Variants in SLC30A10 observed in about 807,000 individuals in gnomAD.
The protein encoded by SLC30A10 is calcium/manganese antiporter SLC30A10.
A neutral mutation model predicts 21.7 loss-of-function variants in SLC30A10; 8 were observed. The ratio of observed to expected loss-of-function variants is 0.37; its 90% CI spans 0.22 to 0.67. The LOEUF is 0.67. Among genes scored for constraint, SLC30A10 ranks in the 30% least tolerant of loss-of-function variants. The probability of loss-of-function intolerance (pLI) is 0.58; values close to 1 mark genes in which losing one functional copy is unlikely to be tolerated. For missense variants in SLC30A10, 521 were observed against 642.5 expected (o/e 0.81, Z 2.04); for synonymous variants, 272 against 279.4 (o/e 0.97, Z 0.26).
chr1:219,959,055 TG>T (rs1660388936), upstream of SLC30A10, among the ~76,000 whole-genome samples: 1 of 152,218 alleles, frequency 6.6e-6, no homozygotes, highest in Non-Finnish European at 1.5e-5. Flanking sequence ...CTCCCTTTCT[TG>T]GGAAGGCTGA....
At chr1:219,916,095 G>T in intron 3 of SLC30A10, 147 bp from the exon 4 acceptor site, 1 of 971,580 alleles carries the variant, frequency 1.0e-6, no homozygotes, top group Non-Finnish European at 1.5e-6. Flanking sequence ...TTCTACCTCT[G>T]TGGGTACATT....
intron 1 of SLC30A10, among the ~76,000 whole-genome samples, chr1:219,949,124 G>GA (rs759531444): frequency 1.2e-4 from 18 of 152,158 alleles, no homozygotes; most frequent in Non-Finnish European, 2.4e-4. Context: ...TGCTGGAGAG[G>GA]ATGTGGAGAT....
intron 1 of SLC30A10, among the ~76,000 whole-genome samples, chr1:219,950,772 C>T (rs1217900140): frequency 6.6e-6 from 1 of 151,562 alleles, no homozygotes; most frequent in Admixed American, 6.6e-5. Context: ...CAACATGAAA[C>T]CCCATCTCTA....
Position 219,915,319 on chromosome 1 carries a change from C to G in SLC30A10, c.*130G>C. On this transcript the variant is annotated 3_prime_UTR_variant, in exon 4 of 4. Transcript: ENST00000366926. ...TTTAACTAAAATCCCAAACAGCCAA[C>G]CCCTAGTGAACACAGAGCATGCATG... The G allele has an allele frequency of 8.6e-7, 1 of 1,167,604 alleles. No homozygotes were observed. The highest frequency in any genetic ancestry group is 1.2e-6 in the Non-Finnish European group (1 of 818,534). The allele number at this position is 1,167,604 out of a possible 1,614,324, so 72.3% of individuals were successfully genotyped here.
rs771115890 is a variant in SLC30A10, at chr1:219,918,781, C to A, written c.719-287G>T. ...CCGTCTCACTGGGCCACATCGCTAC[C>A]ACTCACCACCCATCAAAGGGCACCA... is the stretch of plus-strand genomic sequence containing the variant. On this transcript the variant is annotated intron_variant, in intron 2 of 3. Transcript: ENST00000366926. This position sits in a 1 kb window ranked among gnomAD's most constrained non-coding sequence, Gnocchi z 4.4. The A allele has an allele frequency of 6.3e-6, 2 of 317,706 alleles. No individual in the cohort carries two copies. The highest frequency in any genetic ancestry group is 2.1e-5 in the African/African-American group (1 of 46,848). The allele number at this position is 317,706 out of a possible 1,614,324, so 19.7% of individuals were successfully genotyped here. A position where few individuals can be genotyped will look rare whatever the true frequency, so the allele number is the denominator to read the frequency against.
chr1:219,946,524 G>A (rs1660188085), intron 1 of SLC30A10, among the ~76,000 whole-genome samples: 1 of 152,128 alleles, frequency 6.6e-6, no homozygotes, highest in African/African-American at 2.4e-5. Context: ...TCCATGAGAC[G>A]ACCACCAGTG....
chr1:219,958,935 G>A (rs921269481), upstream of SLC30A10, among the ~76,000 whole-genome samples: 1 of 152,198 alleles, frequency 6.6e-6, no homozygotes, highest in African/African-American at 2.4e-5. Context: ...CAACGTAAGC[G>A]ATCACTAGTT....
intron 1 of SLC30A10, among the ~76,000 whole-genome samples, chr1:219,946,180 T>C (rs967519756): frequency 6.6e-6 from 1 of 152,174 alleles, no homozygotes; most frequent in African/African-American, 2.4e-5. Flanking sequence ...TTGCTGACAT[T>C]GAATTGTTAG....
chr1:219,926,418 T>C (rs1659826302), intron 2 of SLC30A10, among the ~76,000 whole-genome samples: 3 of 152,184 alleles, frequency 2.0e-5, no homozygotes, highest in Non-Finnish European at 2.9e-5. Context: ...TTGGCTACAA[T>C]GGTGTCCAGC....
chr1:219,924,692 C>T (rs1342115683), intron 2 of SLC30A10, among the ~76,000 whole-genome samples: 3 of 152,192 alleles, frequency 2.0e-5, no homozygotes, highest in African/African-American at 7.2e-5. Flanking sequence ...TGTATCCACT[C>T]AGTAAGATTA....
In SLC30A10 at chr1:219,911,156, T is replaced by TTTTGTTTTTTTG. The variant is rs1223440092; in HGVS notation, c.*4292_*4293insCAAAAAAACAAA. ...TTCATTTTTTCTACATCAGTTTTTT[T>TTTTGTTTTTTTG]TTTTTTTTTTTTTTTTTTGCAGTCT... On this transcript the variant is annotated 3_prime_UTR_variant, in exon 4 of 4. Coordinates refer to ENST00000366926, the MANE Select transcript of SLC30A10 (RefSeq NM_018713.3). Among the ~76,000 whole-genome samples, 4 of 107,646 alleles carry TTTTGTTTTTTTG rather than the reference T, an allele frequency of 3.7e-5. No individual in the cohort carries two copies. The South Asian group carries it at 9.5e-4, about 25-fold the overall frequency. The allele number at this position is 107,646 out of a possible 152,430, so 70.6% of individuals were successfully genotyped here. A position where few individuals can be genotyped will look rare whatever the true frequency, so the allele number is the denominator to read the frequency against.
chr1:219,913,608 G>A lies in SLC30A10; in HGVS notation c.*1841C>T, dbSNP rs1659464379. 2 of 152,170 alleles carry A rather than the reference G, an allele frequency of 1.3e-5. No individual in the cohort carries two copies. Among genetic ancestry groups the A allele is most frequent in the Admixed American group, 6.5e-5 (1 of 15,274 alleles). 9.4% of individuals were successfully genotyped at this position (152,170 alleles called of 1,614,324 possible). On this transcript the variant is annotated 3_prime_UTR_variant, in exon 4 of 4. Coordinates refer to ENST00000366926, the MANE Select transcript of SLC30A10 (RefSeq NM_018713.3). Reference sequence around the variant, plus strand: ...CTTAAGAGGATGCACTGTTTTGTGTGAGTACATGCCACACTTTTAATACTA... The same window carrying A: ...CTTAAGAGGATGCACTGTTTTGTGTAAGTACATGCCACACTTTTAATACTA...
rs1439572788 is a variant in SLC30A10 at position 219,927,655 on chromosome 1, A to C, written c.640+146T>G. On this transcript the variant is annotated intron_variant, in intron 1 of 3. Coordinates refer to ENST00000366926, the MANE Select transcript of SLC30A10 (RefSeq NM_018713.3). The stretch of plus-strand genomic sequence containing the variant: ...GGATTTATTAAAAAAAAAAAAAAAA[A>C]AAAAAAAAAAAAACAACAACAACAA... 7.7e-5 allele frequency: 44 copies of C among 570,844 alleles called. No individual in the cohort carries two copies. In the African/African-American group the frequency reaches 1.5e-3, roughly 20 times the overall value. The allele number at this position is 570,844 out of a possible 1,614,324, so 35.4% of individuals were successfully genotyped here. A position where few individuals can be genotyped will look rare whatever the true frequency, so the allele number is the denominator to read the frequency against.
intron 1 of SLC30A10, among the ~76,000 whole-genome samples, chr1:219,951,301 T>C (rs1402396863): frequency 6.6e-6 from 1 of 151,964 alleles, no homozygotes; most frequent in Non-Finnish European, 1.5e-5. Context: ...ATACCTAAGA[T>C]GAGGCTCAAA....
intron 2 of SLC30A10, among the ~76,000 whole-genome samples, chr1:219,923,210 T>C (rs1659738795): frequency 6.6e-6 from 1 of 152,196 alleles, no homozygotes; most frequent in African/African-American, 2.4e-5. Context: ...AAGATAAATC[T>C]GGCAGCATTA....
At chr1:219,925,653 T>TATATATATATATATATATATATA (rs1558253395) in intron 2 of SLC30A10, among the ~76,000 whole-genome samples, 7 of 46,242 alleles carry the variant, frequency 1.5e-4, no homozygotes, top group South Asian at 1.0e-3. Context: ...ATATATATAT[T>TATATATATATATATATATATATA]TTTTTTTTTT....
chr1:219,928,452 C>G lies in SLC30A10; in HGVS notation c.-12G>C, dbSNP rs1363225799. ...GAGTAGCGGCCCATCTCGCCACCAG[C>G]CCCGGGCGCCCGGCGCCGCCCAGGG... On this transcript the variant is annotated 5_prime_UTR_variant, in exon 1 of 4. Transcript: ENST00000366926. The surrounding 1 kb of genome is among the most constrained non-coding windows in gnomAD (Gnocchi z 6.3). 1 of 1,593,870 alleles carries G rather than the reference C, an allele frequency of 6.3e-7. No homozygotes were observed. Among genetic ancestry groups the G allele is most frequent in the Admixed American group, 1.7e-5 (1 of 58,006 alleles).
chr1:219,923,014 C>T (rs116366816), intron 2 of SLC30A10, among the ~76,000 whole-genome samples: 1,738 of 152,032 alleles, frequency 0.011, 39 homozygotes, highest in African/African-American at 0.04. Flanking sequence ...ATGGGTATGC[C>T]GGGAGACAGT....
chr1:219,917,836 G>A lies in SLC30A10; in HGVS notation c.958+419C>T, dbSNP rs551188278. ...AGCGATTCTCCTGCCTCAGCCTCCC[G>A]AGTAGTTGGGATTACAGGCGCGTGC... On this transcript the variant is annotated intron_variant, in intron 3 of 3. Coordinates refer to ENST00000366926, the MANE Select transcript of SLC30A10 (RefSeq NM_018713.3). Among the ~76,000 whole-genome samples, 29 of 149,210 alleles carry A rather than the reference G, an allele frequency of 1.9e-4. No homozygotes were observed. The South Asian group carries it at 4.9e-3, about 25-fold the overall frequency.
Sources: gnomAD v4.1 joint callset for allele counts (sites outside exome capture counted in the v4.1 genomes callset) on GRCh38, gnomAD v4.1.1 for gene constraint, Gnocchi (gnomAD v3.1) non-coding constraint, MANE v1.5 for transcripts, NCBI Gene and HGNC (gene_info 2026-07-23, HGNC 2026-07-21) for gene names.